Variants in XPA observed in about 807,000 individuals in gnomAD.
XPA encodes the protein XPA, DNA damage recognition and repair factor.
In XPA, 27 loss-of-function variants were observed where a neutral mutation model predicts 35.7. The ratio of observed to expected loss-of-function variants is 0.76; its 90% CI spans 0.56 to 1.04. XPA has a LOEUF of 1.04. Among genes scored for constraint, XPA ranks in the 50% least tolerant of loss-of-function variants. The pLI, the probability that XPA is intolerant of heterozygous loss-of-function variation, is 0.00. For synonymous variants in XPA, 133 were observed against 118.4 expected (o/e 1.12, Z -0.80); for missense variants, 354 against 342.7 (o/e 1.03, Z -0.26).
At chr9:97,691,583 G>A (rs560149926) in intron 2 of XPA, among the ~76,000 whole-genome samples, 129 of 152,122 alleles carry the variant, frequency 8.5e-4, no homozygotes, top group Middle Eastern at 6.8e-3. Context: ...GCTGGGTGAC[G>A]GGCACCTGTA....
At chr9:97,672,107 G>A (rs1828210139), downstream of XPA, 1 of 152,194 alleles carries the variant, frequency 6.6e-6, no homozygotes, top group Admixed American at 6.5e-5. Context: ...AAACTACGAA[G>A]TCCTGAGCTT....
chr9:97,682,475 C>T (rs1476075074), intron 5 of XPA: 1 of 518,720 alleles, frequency 1.9e-6, no homozygotes, highest in African/African-American at 1.9e-5. Context: ...AGGCATCACA[C>T]TGACCTCTCT....
At chr9:97,678,578 G>A (rs1486819162) in intron 5 of XPA, among the ~76,000 whole-genome samples, 1 of 152,162 alleles carries the variant, frequency 6.6e-6, no homozygotes, top group African/African-American at 2.4e-5. Flanking sequence ...TGGGGCAAAG[G>A]ATGCTGCAGA....
At chr9:97,662,249 T>C in the XPA span, 2 of 811,270 alleles carry the variant, frequency 2.5e-6, no homozygotes. Context: ...AAGATCTTAA[T>C]AGTGTATAAT....
downstream of XPA, chr9:97,671,531 T>C (rs1469515303): frequency 5.3e-6 from 1 of 189,348 alleles, no homozygotes; most frequent in Non-Finnish European, 1.1e-5. Flanking sequence ...TTACATAGTA[T>C]ATAGAACTGA....
At chr9:97,695,371 G>A (rs576780766) in intron 1 of XPA, among the ~76,000 whole-genome samples, 1 of 152,286 alleles carries the variant, frequency 6.6e-6, no homozygotes, top group African/African-American at 2.4e-5. Flanking sequence ...TCATCTCTCT[G>A]TATCCCTTCA....
chr9:97,675,503 T>C lies in XPA; in HGVS notation c.758A>G (p.Glu253Gly). ...ACAAGTCTTACGGTACATGTCATCT[T>C]CTAGGTTTTCTTCTGGTCCATACTC... Reference protein sequence around the residue: ...QHEYGPEENLEDDMYRKTCTM... With the variant: ...QHEYGPEENLGDDMYRKTCTM... The change falls in exon 6 of 6, where the codon GAA (glutamate) becomes GGA (glycine). Residue 253 changes from glutamate (E) to glycine (G), a missense_variant. Physicochemically the swap from Glu to Gly is moderately conservative, Grantham distance 98 (BLOSUM62 -2). Coordinates refer to ENST00000375128, the MANE Select transcript of XPA (RefSeq NM_000380.4). 6.2e-7 allele frequency: 1 copy of C among 1,614,032 alleles called. No individual in the cohort carries two copies. Among genetic ancestry groups the C allele is most frequent in the East Asian group, 2.2e-5 (1 of 44,866 alleles).
At chr9:97,658,503 A>AT in the XPA span, 413 of 664,492 alleles carry the variant, frequency 6.2e-4, no homozygotes, top group East Asian at 2.7e-3. Flanking sequence ...AACTCAAAGG[A>AT]TTTTTTTTTC....
chr9:97,688,429 C>A (rs956365424), intron 3 of XPA, among the ~76,000 whole-genome samples: 1 of 152,158 alleles, frequency 6.6e-6, no homozygotes, highest in South Asian at 2.1e-4. Flanking sequence ...CCTGGATAAC[C>A]CAGGATAATC....
the XPA span, chr9:97,662,881 A>C: frequency 8.8e-7 from 1 of 1,138,004 alleles, no homozygotes; most frequent in Non-Finnish European, 1.3e-6. Flanking sequence ...AGTAACATTG[A>C]AAAGGCTTTG....
chr9:97,672,806 TTTA>T (rs1828231310), downstream of XPA: 1 of 145,404 alleles, frequency 6.9e-6, no homozygotes, highest in Admixed American at 6.6e-5. Context: ...TTCTTATGAT[TTTA>T]TTTTCTTTTC....
chr9:97,684,988 GCTT>G lies in XPA; in HGVS notation c.605_607del (p.Glu202del). The G allele has an allele frequency of 3.1e-6, 5 of 1,613,364 alleles. No individual in the cohort carries two copies. Among genetic ancestry groups the G allele is most frequent in the East Asian group, 2.2e-5 (1 of 44,826 alleles). Reference sequence around the variant, plus strand: ...TCGGTTTTCCTGTCGGACTTCCTTTGCTTCTTCTAATGCTTCTTGACTACCCCA... The same window carrying G: ...TCGGTTTTCCTGTCGGACTTCCTTTGCTTCTAATGCTTCTTGACTACCCCA... On this transcript the variant is annotated inframe_deletion, in exon 5 of 6. Coordinates refer to ENST00000375128, the MANE Select transcript of XPA (RefSeq NM_000380.4).
downstream of XPA, chr9:97,672,007 A>G (rs1262903517): frequency 3.3e-5 from 5 of 152,194 alleles, no homozygotes; most frequent in African/African-American, 4.8e-5. Context: ...ACAGAATACT[A>G]AAGTGGATGT....
the XPA span, chr9:97,668,739 T>C: frequency 7.8e-7 from 1 of 1,275,884 alleles, no homozygotes; most frequent in African/African-American, 1.5e-5. Context: ...CACTATAGAA[T>C]ATAAGTCTTA....
At chr9:97,675,712 G>A in intron 5 of XPA, 125 bp from the exon 6 acceptor site, 1 of 1,179,442 alleles carries the variant, frequency 8.5e-7, no homozygotes, top group Non-Finnish European at 1.2e-6. Flanking sequence ...ACCATATATA[G>A]TTTACCTTAA....
the XPA span, among the ~76,000 whole-genome samples, chr9:97,667,417 TG>T: frequency 6.6e-6 from 1 of 152,014 alleles, no homozygotes; most frequent in Non-Finnish European, 1.5e-5. Context: ...TAGTAGAAGG[TG>T]AAAAAAAGTT....
chr9:97,677,382 CAGAAAGTA>C (rs1218443657), intron 5 of XPA, among the ~76,000 whole-genome samples: 5 of 151,940 alleles, frequency 3.3e-5, no homozygotes, highest in African/African-American at 1.2e-4. Context: ...AAACTTGTGC[CAGAAAGTA>C]AGAAAGTATT....
Position 97,693,066 on chromosome 9 carries a change from T to TA in XPA, c.283+582dup, listed in dbSNP as rs1000398500. 4.1e-3 allele frequency among the ~76,000 whole-genome samples: 582 copies of TA among 142,524 alleles called. 5 individuals are homozygous for TA. Among genetic ancestry groups the TA allele is most frequent in the African/African-American group, 0.013 (533 of 40,462 alleles). 93.5% of individuals were successfully genotyped at this position (142,524 alleles called of 152,430 possible). A position where few individuals can be genotyped will look rare whatever the true frequency, so the allele number is the denominator to read the frequency against. ...GGAATAGGTCTTTTTTTTTTTTTTTTAATAAAAAGCTGTTATATTGCACTG... is the reference window on the plus strand; with the variant it reads ...GGAATAGGTCTTTTTTTTTTTTTTTTAAATAAAAAGCTGTTATATTGCACTG... On this transcript the variant is annotated intron_variant, in intron 2 of 5. Coordinates refer to ENST00000375128, the MANE Select transcript of XPA (RefSeq NM_000380.4).
chr9:97,658,589 A>C, the XPA span: 1 of 1,406,500 alleles, frequency 7.1e-7, no homozygotes, highest in Non-Finnish European at 1.0e-6. Context: ...GGTGTTACCG[A>C]AGAATGGGAC....
Sources: gnomAD v4.1 joint callset for allele counts (sites outside exome capture counted in the v4.1 genomes callset) on GRCh38, gnomAD v4.1.1 for gene constraint, MANE v1.5 for transcripts, NCBI Gene and HGNC (gene_info 2026-07-23, HGNC 2026-07-21) for gene names.